Variants in GRM7 observed in about 807,000 individuals in gnomAD.
GRM7 encodes the protein metabotropic glutamate receptor 7.
Under a neutral mutation model 84.5 loss-of-function variants are expected in GRM7, and 35 were observed. The ratio of observed to expected loss-of-function variants is 0.41; its 90% CI spans 0.32 to 0.55. The LOEUF (loss-of-function observed/expected upper bound fraction) is 0.55. Among genes scored for constraint, GRM7 ranks in the 20% least tolerant of loss-of-function variants. The pLI, the probability that GRM7 is intolerant of heterozygous loss-of-function variation, is 0.19. For synonymous variants in GRM7, 487 were observed against 455.1 expected (o/e 1.07, Z -0.89); for missense variants, 1,003 against 1,194.6 (o/e 0.84, Z 2.36).
intron 7 of GRM7, among the ~76,000 whole-genome samples, chr3:7,472,880 C>A (rs1698759602): frequency 1.3e-5 from 2 of 152,140 alleles, no homozygotes; most frequent in Admixed American, 1.3e-4. Context: ...TCCCCAGATT[C>A]CTCAATATTT....
At chr3:7,221,843 G>A (rs1575049492) in intron 2 of GRM7, among the ~76,000 whole-genome samples, 1 of 110,900 alleles carries the variant, frequency 9.0e-6, no homozygotes. Context: ...GTCTTACTCT[G>A]TCGCCAAGCC....
intron 6 of GRM7, among the ~76,000 whole-genome samples, chr3:7,461,118 TTTAC>T (rs1399786416): frequency 6.6e-6 from 1 of 152,234 alleles, no homozygotes; most frequent in Non-Finnish European, 1.5e-5. Context: ...ATTTTTCTTA[TTTAC>T]TTCTTGTTTT....
chr3:7,203,705 C>T (rs899636616), intron 2 of GRM7, among the ~76,000 whole-genome samples: 43 of 152,196 alleles, frequency 2.8e-4, no homozygotes, highest in African/African-American at 1.0e-3. Flanking sequence ...AACTTATATT[C>T]CCACGAAATG....
chr3:7,710,202 A>G (rs983588684), intron 9 of GRM7, among the ~76,000 whole-genome samples: 3 of 152,188 alleles, frequency 2.0e-5, no homozygotes, highest in Non-Finnish European at 4.4e-5. Flanking sequence ...TTAAAGACTT[A>G]CATATCTCTT....
chr3:7,057,562 G>A (rs1007528449), intron 1 of GRM7, among the ~76,000 whole-genome samples: 1 of 151,810 alleles, frequency 6.6e-6, no homozygotes, highest in Non-Finnish European at 1.5e-5. Context: ...CTTCAAAATT[G>A]AATTGTGGCA....
intron 8 of GRM7, among the ~76,000 whole-genome samples, chr3:7,663,969 G>A (rs1214352925): frequency 6.6e-6 from 1 of 152,132 alleles, no homozygotes; most frequent in Non-Finnish European, 1.5e-5. Flanking sequence ...TCGCTTTTAT[G>A]ACCACAGGAC....
intron 9 of GRM7, among the ~76,000 whole-genome samples, chr3:7,733,110 T>A (rs370715152): frequency 2.6e-5 from 4 of 152,192 alleles, no homozygotes; most frequent in East Asian, 1.9e-4. Flanking sequence ...TGCTATTTTA[T>A]CAGCAAGGTC....
intron 1 of GRM7, among the ~76,000 whole-genome samples, chr3:6,985,421 T>C (rs1376747884): frequency 6.6e-6 from 1 of 152,160 alleles, no homozygotes; most frequent in African/African-American, 2.4e-5. Flanking sequence ...ATTGCTTTGA[T>C]TTTTAGGTCC....
At chr3:7,119,788 T>C (rs1313959092) in intron 1 of GRM7, among the ~76,000 whole-genome samples, 2 of 152,110 alleles carry the variant, frequency 1.3e-5, no homozygotes, top group Non-Finnish European at 2.9e-5. Context: ...TGAATTTGCA[T>C]TAGGTTTATT....
chr3:7,267,707 G>C (rs59057909), intron 2 of GRM7, among the ~76,000 whole-genome samples: 2 of 152,070 alleles, frequency 1.3e-5, no homozygotes, highest in Admixed American at 1.3e-4. Flanking sequence ...TTTATATAGC[G>C]GGGAAAGACG....
rs1048362165 is a variant in GRM7, at chr3:7,155,329, T to C, written c.736+8661T>C. On this transcript the variant is annotated intron_variant, in intron 2 of 9. Coordinates refer to ENST00000357716, the MANE Select transcript of GRM7 (RefSeq NM_000844.4). ...AACCAAAAGTTGGGTAGTCACAGTGTAAAAAAATGCTACCTTTTTGGTTGC... is the reference window on the plus strand; with the variant it reads ...AACCAAAAGTTGGGTAGTCACAGTGCAAAAAAATGCTACCTTTTTGGTTGC... Among the ~76,000 whole-genome samples, 34 of 152,110 alleles carry C rather than the reference T, an allele frequency of 2.2e-4. 3 individuals are homozygous for C. The highest frequency in any genetic ancestry group is 1.3e-3 in the Admixed American group (20 of 15,264).
intron 8 of GRM7, among the ~76,000 whole-genome samples, chr3:7,659,981 G>A (rs1270632055): frequency 1.3e-5 from 2 of 152,172 alleles, no homozygotes; most frequent in Admixed American, 1.3e-4. Flanking sequence ...AGTAGCATCT[G>A]CTTTCTAATC....
intron 1 of GRM7, among the ~76,000 whole-genome samples, chr3:7,074,461 A>G (rs1029634960): frequency 6.6e-6 from 1 of 152,198 alleles, no homozygotes; most frequent in Admixed American, 6.6e-5. Context: ...AGTGTGGTCC[A>G]TGAATTTCTT....
chr3:7,523,810 G>A (rs867551016), intron 7 of GRM7, among the ~76,000 whole-genome samples: 10 of 152,154 alleles, frequency 6.6e-5, no homozygotes, highest in Middle Eastern at 3.4e-3. Flanking sequence ...GGACAGATAT[G>A]GAAATGCGGG....
chr3:7,715,718 A>G (rs1368826818), intron 9 of GRM7, among the ~76,000 whole-genome samples: 1 of 152,212 alleles, frequency 6.6e-6, no homozygotes, highest in Non-Finnish European at 1.5e-5. Context: ...ACAGGGATTC[A>G]GACCCCGCAC....
intron 2 of GRM7, among the ~76,000 whole-genome samples, chr3:7,293,718 T>A (rs1401757576): frequency 6.6e-6 from 1 of 152,224 alleles, no homozygotes; most frequent in Non-Finnish European, 1.5e-5. Context: ...CAGGTATGTG[T>A]GTGTCTGTGG....
intron 8 of GRM7, among the ~76,000 whole-genome samples, chr3:7,635,602 C>T (rs1698058706): frequency 6.6e-6 from 1 of 152,150 alleles, no homozygotes; most frequent in Non-Finnish European, 1.5e-5. Context: ...GGAGTTGTTC[C>T]ACTGATCTGA....
intron 2 of GRM7, among the ~76,000 whole-genome samples, chr3:7,201,457 C>T (rs1224106469): frequency 6.6e-6 from 1 of 151,904 alleles, no homozygotes; most frequent in East Asian, 1.9e-4. Context: ...CTGTTTTCTT[C>T]CTGGGTCAGT....
chr3:7,084,712 G>C (rs1698383825), intron 1 of GRM7, among the ~76,000 whole-genome samples: 1 of 152,094 alleles, frequency 6.6e-6, no homozygotes, highest in South Asian at 2.1e-4. Flanking sequence ...CAAGTCTGGA[G>C]TCACTCTTTA....
Sources: allele counts gnomAD v4.1 joint callset (sites outside exome capture counted in the v4.1 genomes callset), GRCh38; gene constraint gnomAD v4.1.1; transcripts MANE v1.5; gene names NCBI Gene and HGNC (gene_info 2026-07-23, HGNC 2026-07-21).